Variants in SIDT1 observed in about 807,000 individuals in gnomAD.
The protein encoded by SIDT1 is SID1 transmembrane family member 1.
SIDT1 carries 101 observed loss-of-function variants against 107.5 expected under a neutral mutation model. The observed-to-expected ratio is 0.94, with a 90% CI of 0.80 to 1.11. The LOEUF is 1.11. Ranked by LOEUF, SIDT1 falls within the 50% of genes least tolerant of loss-of-function variation. SIDT1 has a pLI of 0.00. For missense variants in SIDT1, 1,076 were observed against 1,058.2 expected (o/e 1.02, Z -0.23); for synonymous variants, 395 against 398.2 (o/e 0.99, Z 0.10).
chr3:113,558,254 C>T (rs1427915334), intron 1 of SIDT1, among the ~76,000 whole-genome samples: 1 of 152,134 alleles, frequency 6.6e-6, no homozygotes, highest in Non-Finnish European at 1.5e-5. Context: ...TACTAGGAAA[C>T]ATTCTAGACA....
intron 23 of SIDT1, among the ~76,000 whole-genome samples, chr3:113,625,331 G>T (rs1946779471): frequency 6.6e-6 from 1 of 151,912 alleles, no homozygotes; most frequent in South Asian, 2.1e-4. Flanking sequence ...TAGAGACGGG[G>T]TTTCACCATG....
chr3:113,538,341 G>A (rs978644319), intron 1 of SIDT1, among the ~76,000 whole-genome samples: 1 of 152,214 alleles, frequency 6.6e-6, no homozygotes, highest in African/African-American at 2.4e-5. Context: ...TGTTATGGAG[G>A]AGCTGCCTTC....
At chr3:113,627,341 T>C (rs1053881417) in intron 24 of SIDT1, among the ~76,000 whole-genome samples, 1 of 152,242 alleles carries the variant, frequency 6.6e-6, no homozygotes, top group Non-Finnish European at 1.5e-5. Context: ...TTGTTTCACG[T>C]CTAAAGCCCT....
At chr3:113,560,257 C>T (rs1253580820) in intron 1 of SIDT1, among the ~76,000 whole-genome samples, 1 of 152,224 alleles carries the variant, frequency 6.6e-6, no homozygotes, top group African/African-American at 2.4e-5. Context: ...GAAGCCTGTG[C>T]TGCTTCCCTG....
chr3:113,596,192 T>C (rs1007741486), intron 10 of SIDT1, among the ~76,000 whole-genome samples: 1 of 152,172 alleles, frequency 6.6e-6, no homozygotes, highest in African/African-American at 2.4e-5. Flanking sequence ...GCCCACATCA[T>C]TGTGGAGCTA....
At chr3:113,546,698 T>C (rs888209425) in intron 1 of SIDT1, among the ~76,000 whole-genome samples, 6 of 152,246 alleles carry the variant, frequency 3.9e-5, no homozygotes, top group African/African-American at 9.6e-5. Flanking sequence ...GTATCTTCTA[T>C]GTCATTTCTT....
At chr3:113,605,268 A>G (rs774524742) in intron 14 of SIDT1, among the ~76,000 whole-genome samples, 10 of 151,770 alleles carry the variant, frequency 6.6e-5, no homozygotes, top group Non-Finnish European at 8.8e-5. Context: ...GATTACAGGC[A>G]TGTGCCACCA....
At chr3:113,626,293 C>CT in intron 24 of SIDT1, 78 bp downstream of exon 24, 20 of 949,288 alleles carry the variant, frequency 2.1e-5, no homozygotes, top group African/African-American at 3.3e-5. Context: ...CTCTTCCTTA[C>CT]TTTTTTTTAT....
chr3:113,584,099 A>T (rs1430303621), intron 7 of SIDT1, among the ~76,000 whole-genome samples: 1 of 152,256 alleles, frequency 6.6e-6, no homozygotes, highest in African/African-American at 2.4e-5. Context: ...TTGAAAACAT[A>T]GACCACTAGC....
chr3:113,588,912 G>C (rs1943938234), intron 9 of SIDT1: 1 of 152,194 alleles, frequency 6.6e-6, no homozygotes, highest in Non-Finnish European at 1.5e-5. Context: ...TCTGGGCTGG[G>C]CTGAGAGATC....
chr3:113,554,607 T>C (rs964147468), intron 1 of SIDT1, among the ~76,000 whole-genome samples: 2 of 152,210 alleles, frequency 1.3e-5, no homozygotes, highest in African/African-American at 2.4e-5. Flanking sequence ...TCCCCAGCCA[T>C]GTGGAACCAT....
At chr3:113,625,949 T>C in intron 23 of SIDT1, 153 bp from the exon 24 acceptor site, 1 of 633,108 alleles carries the variant, frequency 1.6e-6, no homozygotes, top group Admixed American at 2.8e-5. Context: ...TTGAGGTCTT[T>C]GTGTACAGGT....
chr3:113,579,746 A>C (rs1195377039), intron 4 of SIDT1, among the ~76,000 whole-genome samples: 1 of 152,196 alleles, frequency 6.6e-6, no homozygotes, highest in Non-Finnish European at 1.5e-5. Context: ...TAGAGTCTTC[A>C]CTGGGAGCCT....
At position 113,603,910 on chromosome 3, in the gene SIDT1, C is replaced by T. The variant is rs777783440; in HGVS notation, c.1264-50C>T. 15 of 1,236,014 alleles carry T rather than the reference C, an allele frequency of 1.2e-5. No individual in the cohort carries two copies. The South Asian group carries it at 1.9e-4, about 16-fold the overall frequency. The allele number at this position is 1,236,014 out of a possible 1,614,324, so 76.6% of individuals were successfully genotyped here. A position where few individuals can be genotyped will look rare whatever the true frequency, so the allele number is the denominator to read the frequency against. ...GTTATGTTTGCCTTTGTATCTCATG[C>T]ATAAAGAGCTGAGTACAGTTTTGCA... On this transcript the variant is annotated intron_variant, in intron 12 of 24. Coordinates refer to ENST00000264852, the MANE Select transcript of SIDT1 (RefSeq NM_017699.3).
intron 10 of SIDT1, among the ~76,000 whole-genome samples, chr3:113,594,686 C>T (rs941583746): frequency 2.0e-5 from 3 of 152,030 alleles, no homozygotes; most frequent in African/African-American, 7.2e-5. Context: ...CTGGAGGTAC[C>T]CTTCTGATGG....
chr3:113,587,485 G>C (rs1237138018), intron 9 of SIDT1, among the ~76,000 whole-genome samples: 1 of 152,178 alleles, frequency 6.6e-6, no homozygotes, highest in Non-Finnish European at 1.5e-5. Context: ...TTTAACAGGT[G>C]CCTGCTGTGT....
At chr3:113,558,978 T>G (rs748550153) in intron 1 of SIDT1, among the ~76,000 whole-genome samples, 3 of 152,264 alleles carry the variant, frequency 2.0e-5, no homozygotes, top group Non-Finnish European at 4.4e-5. Flanking sequence ...TCTCAATTTA[T>G]CTTCTTGAGA....
Position 113,627,796 on chromosome 3 carries a change from C to A in SIDT1, c.*88C>A. On this transcript the variant is annotated 3_prime_UTR_variant, in exon 25 of 25. Transcript: ENST00000264852. ...GTGACCACAGCAAAGTAACCACTGC[C>A]AGATGCTCCACTCACCCTCTGTAGA... The A allele has an allele frequency of 3.3e-6, 4 of 1,220,758 alleles. No homozygotes were observed. The highest frequency in any genetic ancestry group is 2.3e-5 in the East Asian group (1 of 42,886). The allele number at this position is 1,220,758 out of a possible 1,614,324, so 75.6% of individuals were successfully genotyped here.
intron 3 of SIDT1, among the ~76,000 whole-genome samples, chr3:113,574,722 C>G (rs1018311887): frequency 8.5e-5 from 13 of 152,064 alleles, no homozygotes; most frequent in Admixed American, 7.2e-4. Context: ...TTTCTTCTCC[C>G]TTCTCCCTTT....
Sources: allele counts gnomAD v4.1 joint callset (sites outside exome capture counted in the v4.1 genomes callset), GRCh38; gene constraint gnomAD v4.1.1; transcripts MANE v1.5; gene names NCBI Gene and HGNC (gene_info 2026-07-23, HGNC 2026-07-21).